The following AGR3 variants were observed in gnomAD, a reference collection of about 807,000 sequenced individuals.
AGR3 encodes anterior gradient 3, protein disulphide isomerase family member.
In AGR3, 37 loss-of-function variants were observed where a neutral mutation model predicts 24.5. The observed-to-expected ratio is 1.51, with a 90% CI of 1.16 to 1.99. The LOEUF (loss-of-function observed/expected upper bound fraction) is 1.99, where lower values mean the gene tolerates loss of function less well. Ranked by LOEUF, AGR3 falls within the 30% of genes most tolerant of loss-of-function variation. The pLI, the probability that AGR3 is intolerant of heterozygous loss-of-function variation, is 0.00. For synonymous variants in AGR3, 75 were observed against 61.6 expected, an observed-to-expected ratio of 1.22 and a Z score of -1.02; for missense variants, 228 against 191.1, an observed-to-expected ratio of 1.19 and a Z score of -1.14.
chr7:16,867,680 C>A (rs1199294044), intron 3 of AGR3, among the ~76,000 whole-genome samples: 1 of 152,144 alleles, frequency 6.6e-6, no homozygotes, highest in Non-Finnish European at 1.5e-5. Context: ...TTAGTAACCA[C>A]CATTTTCCTT....
chr7:16,864,330 G>A, intron 3 of AGR3: 1 of 1,365,414 alleles, frequency 7.3e-7, no homozygotes, highest in Non-Finnish European at 1.0e-6. Context: ...GGGCTGAAAA[G>A]AGCTGAGGCT....
chr7:16,866,798 A>G (rs1030130863), intron 3 of AGR3, among the ~76,000 whole-genome samples: 3 of 152,080 alleles, frequency 2.0e-5, no homozygotes, highest in Non-Finnish European at 4.4e-5. Context: ...TCTTGTTAAT[A>G]TATAGGAGTA....
intron 3 of AGR3, among the ~76,000 whole-genome samples, chr7:16,871,185 C>T (rs998337128): frequency 6.6e-6 from 1 of 152,166 alleles, no homozygotes; most frequent in African/African-American, 2.4e-5. Context: ...CTGCCCTAAA[C>T]CAGTTTTCTG....
At chr7:16,862,103 G>A (rs374680356) in intron 4 of AGR3, 43 bp from the exon 5 acceptor site, 4 of 1,437,420 alleles carry the variant, frequency 2.8e-6, no homozygotes, top group East Asian at 2.3e-5. Flanking sequence ...TAAGGATCAA[G>A]AGACCTTTAA....
chr7:16,873,813 G>C lies in AGR3; in HGVS notation c.140C>G (p.Thr47Ser). ...GWGDDITWVQ[T>S]YEEGLFYAQK... is the part of the protein sequence containing the mutation. ...AGCATAAAAGAGACCTTCTTCATAA[G>C]TTTGTACCCAAGTGATGTCATCTCC... is the stretch of plus-strand genomic sequence containing the variant. The change falls in exon 3 of 8, where the codon ACT becomes AGT. Residue 47 changes from threonine (T) to serine (S), a missense_variant. Physicochemically the swap from Thr to Ser is moderately conservative, Grantham distance 58. Transcript: ENST00000310398. 6.2e-7 allele frequency: 1 copy of C among 1,613,180 alleles called. No homozygotes were observed. Among genetic ancestry groups the C allele is most frequent in the Non-Finnish European group, 8.5e-7 (1 of 1,179,386 alleles).
chr7:16,869,677 T>TG (rs754226009), intron 3 of AGR3, among the ~76,000 whole-genome samples: 19,561 of 140,090 alleles, frequency 0.14, 1,771 homozygotes, highest in East Asian at 0.35. Context: ...GAGTTTGTTT[T>TG]TTTTTTTTTT....
At chr7:16,881,259 CA>C (rs375839944) in intron 1 of AGR3, among the ~76,000 whole-genome samples, 9 of 152,220 alleles carry the variant, frequency 5.9e-5, no homozygotes, top group African/African-American at 2.2e-4. Context: ...GTATTATTGT[CA>C]AATACTTTCT....
At chr7:16,855,598 A>G (rs996104268), downstream of AGR3, among the ~76,000 whole-genome samples, 3 of 152,186 alleles carry the variant, frequency 2.0e-5, no homozygotes, top group Non-Finnish European at 4.4e-5. Flanking sequence ...GGGGCTGGGG[A>G]CAGGGACTTT....
At chr7:16,860,336 C>T in intron 7 of AGR3, 164 bp downstream of exon 7, 1 of 566,644 alleles carries the variant, frequency 1.8e-6, no homozygotes, top group Non-Finnish European at 3.2e-6. Flanking sequence ...TCTGAGGTAC[C>T]CCCAAAATTC....
At chr7:16,875,111 T>C (rs1277264598) in intron 2 of AGR3, among the ~76,000 whole-genome samples, 3 of 53,186 alleles carry the variant, frequency 5.6e-5, no homozygotes, top group Non-Finnish European at 9.1e-5. Context: ...CGAGACTCCA[T>C]CTCAAAAAAA....
chr7:16,864,302 T>C, intron 3 of AGR3: 1 of 1,357,370 alleles, frequency 7.4e-7, no homozygotes, highest in East Asian at 2.3e-5. Context: ...ATTATTATAT[T>C]TTCTTCCACG....
At chr7:16,879,502 A>G (rs1340111631) in intron 1 of AGR3, among the ~76,000 whole-genome samples, 1 of 152,264 alleles carries the variant, frequency 6.6e-6, no homozygotes, top group African/African-American at 2.4e-5. Flanking sequence ...GCATTAGCAT[A>G]TAAAACTGAT....
At chr7:16,868,673 AT>A (rs1463541773) in intron 3 of AGR3, among the ~76,000 whole-genome samples, 1 of 151,788 alleles carries the variant, frequency 6.6e-6, no homozygotes, top group Non-Finnish European at 1.5e-5. Context: ...TCACTTGCCT[AT>A]TTTTGCTTTT....
chr7:16,875,131 A>C (rs919929386), intron 2 of AGR3, among the ~76,000 whole-genome samples: 8 of 150,476 alleles, frequency 5.3e-5, no homozygotes, highest in African/African-American at 2.0e-4. Flanking sequence ...AAAAAAAAAA[A>C]GAAAAAAAGA....
chr7:16,877,875 AAAG>A (rs1261612045), intron 2 of AGR3, among the ~76,000 whole-genome samples: 2 of 146,866 alleles, frequency 1.4e-5, no homozygotes, highest in African/African-American at 5.0e-5. Flanking sequence ...AAAAAAAAAA[AAAG>A]AGAGAATTTT....
At chr7:16,874,183 C>T (rs4407766) in intron 2 of AGR3, among the ~76,000 whole-genome samples, 141,617 of 152,252 alleles carry the variant, frequency 0.93, 66,443 homozygotes, top group Non-Finnish European at 1. Context: ...AGTAACAGTT[C>T]ATCTTTGCAT....
Position 16,862,673 on chromosome 7 carries a change from A to T in AGR3, c.174-11T>A. 2.0e-6 allele frequency: 3 copies of T among 1,537,180 alleles called. No individual in the cohort carries two copies. The East Asian group carries it at 7.4e-5, about 38-fold the overall frequency. On this transcript the variant is annotated splice_polypyrimidine_tract_variant and intron_variant, in intron 3 of 7. Transcript: ENST00000310398. The stretch of plus-strand genomic sequence containing the variant: ...ATTAATGGCTTCTTACTAAACAAAG[A>T]AAGTATGGAATTAAGTCAAATGATT...
chr7:16,865,921 A>G, intron 3 of AGR3: 1 of 706,680 alleles, frequency 1.4e-6, no homozygotes, highest in Non-Finnish European at 2.6e-6. Context: ...AAATAGATCC[A>G]TCCTGTTTTG....
intron 3 of AGR3, among the ~76,000 whole-genome samples, chr7:16,868,447 G>A (rs965318772): frequency 3.9e-5 from 6 of 152,092 alleles, no homozygotes; most frequent in Non-Finnish European, 4.4e-5. Context: ...GAGCCACGGC[G>A]CCCAGCCTGT....
Sources: allele counts gnomAD v4.1 joint callset (sites outside exome capture counted in the v4.1 genomes callset), GRCh38; gene constraint gnomAD v4.1.1; transcripts MANE v1.5; gene names NCBI Gene and HGNC (gene_info 2026-07-23, HGNC 2026-07-21).